The following KIAA0586 variants were observed in gnomAD, a reference collection of about 807,000 sequenced individuals.
The protein encoded by KIAA0586 is KIAA0586.
In KIAA0586, 144 loss-of-function variants were observed where a neutral mutation model predicts 169.8. The observed-to-expected ratio is 0.85, with a 90% CI of 0.74 to 0.97. The LOEUF is 0.97. Ranked by LOEUF, KIAA0586 falls within the 50% of genes least tolerant of loss-of-function variation. KIAA0586 has a pLI of 0.00. For missense variants in KIAA0586, 1,854 were observed against 1,823.0 expected (o/e 1.02, Z -0.31); for synonymous variants, 625 against 612.4 (o/e 1.02, Z -0.30).
intron 16 of KIAA0586, 136 bp downstream of exon 16, chr14:58,468,058 T>A (rs189060564): frequency 2.3e-5 from 14 of 597,816 alleles, no homozygotes; most frequent in South Asian, 2.3e-4. Flanking sequence ...TTTATTTTTA[T>A]TTTTTAGACA....
At position 58,450,729 on chromosome 14, in the gene KIAA0586, A is replaced by T; in HGVS notation, c.1112A>T (p.Glu371Val). The change falls in exon 8 of 31, where the codon GAA becomes GTA. Residue 371 changes from glutamate to valine, a missense_variant. Glu to Val is a moderately radical substitution (Grantham distance 121, BLOSUM62 -2). Coordinates refer to ENST00000652326, the MANE Select transcript of KIAA0586 (RefSeq NM_001329943.3). ...ENLLEEKENM[E>V]VSCHRGNVRL... Reference sequence around the variant, plus strand: ...CTTTTGGAAGAAAAAGAAAATATGGAAGTGTCGTGTCACAGAGGTAATAGA... The same window carrying T: ...CTTTTGGAAGAAAAAGAAAATATGGTAGTGTCGTGTCACAGAGGTAATAGA... 1 of 1,604,320 alleles carries T rather than the reference A, an allele frequency of 6.2e-7. No homozygotes were observed. Among genetic ancestry groups the T allele is most frequent in the East Asian group, 2.2e-5 (1 of 44,744 alleles).
chr14:58,465,419 CTTTA>C (rs2040675822), intron 14 of KIAA0586, among the ~76,000 whole-genome samples: 1 of 152,138 alleles, frequency 6.6e-6, no homozygotes, highest in Non-Finnish European at 1.5e-5. Context: ...TCTTCAGAAT[CTTTA>C]TTTAACATTT....
chr14:58,473,964 G>C (rs2041418982), intron 18 of KIAA0586, among the ~76,000 whole-genome samples: 1 of 151,892 alleles, frequency 6.6e-6, no homozygotes, highest in Non-Finnish European at 1.5e-5. Context: ...GGCTGTACAA[G>C]AAGCATGGTG....
intron 18 of KIAA0586, among the ~76,000 whole-genome samples, chr14:58,473,961 C>G (rs1190882787): frequency 1.3e-5 from 2 of 151,532 alleles, no homozygotes; most frequent in African/African-American, 4.9e-5. Flanking sequence ...GCAGGCTGTA[C>G]AAGAAGCATG....
intron 29 of KIAA0586, among the ~76,000 whole-genome samples, chr14:58,515,721 CTG>C (rs1325885314): frequency 6.6e-6 from 1 of 152,106 alleles, no homozygotes; most frequent in African/African-American, 2.4e-5. Flanking sequence ...TGCCAAAAAT[CTG>C]TGAATCCAAA....
At chr14:58,458,666 TTTAA>T (rs2040070893) in intron 12 of KIAA0586, 121 bp downstream of exon 12, 1 of 566,022 alleles carries the variant, frequency 1.8e-6, no homozygotes, top group Non-Finnish European at 3.1e-6. Flanking sequence ...TTATTTTTAA[TTTAA>T]TTGTCACTCT....
intron 14 of KIAA0586, among the ~76,000 whole-genome samples, chr14:58,465,288 C>T (rs2040660314): frequency 6.6e-6 from 1 of 151,944 alleles, no homozygotes; most frequent in Non-Finnish European, 1.5e-5. Context: ...GCTGGTTATT[C>T]AGAATTATGT....
the KIAA0586 span, among the ~76,000 whole-genome samples, chr14:58,561,424 G>A: frequency 3.9e-5 from 6 of 152,150 alleles, no homozygotes; most frequent in African/African-American, 1.4e-4. Context: ...TTAATTGCAT[G>A]CACTAATTTG....
chr14:58,547,696 CAA>C, intron 30 of KIAA0586, 83 bp from the exon 31 acceptor site: 9 of 1,226,440 alleles, frequency 7.3e-6, no homozygotes, highest in African/African-American at 1.5e-5. Context: ...CCCCCCACCC[CAA>C]CCTCATATTA....
At chr14:58,485,758 A>C (rs1483422980) in intron 21 of KIAA0586, among the ~76,000 whole-genome samples, 1 of 152,056 alleles carries the variant, frequency 6.6e-6, no homozygotes, top group African/African-American at 2.4e-5. Flanking sequence ...AGTACTTTCC[A>C]TCTCCCTGCT....
chr14:58,510,396 G>A (rs1370739301), intron 28 of KIAA0586, among the ~76,000 whole-genome samples: 1 of 152,094 alleles, frequency 6.6e-6, no homozygotes, highest in East Asian at 1.9e-4. Flanking sequence ...TCTCAGCAGA[G>A]TTAGTCATTA....
intron 20 of KIAA0586, among the ~76,000 whole-genome samples, chr14:58,481,232 C>G (rs2141103624): frequency 6.6e-6 from 1 of 152,298 alleles, no homozygotes; most frequent in Non-Finnish European, 1.5e-5. Flanking sequence ...AAGCAGTACT[C>G]TTTGGTGAGG....
In KIAA0586 at chr14:58,432,373, G is replaced by C. The variant is rs2037450824; in HGVS notation, c.341-15G>C. The C allele has an allele frequency of 6.9e-7, 1 of 1,450,766 alleles. No homozygotes were observed. Among genetic ancestry groups the C allele is most frequent in the African/African-American group, 1.4e-5 (1 of 69,106 alleles). 89.9% of individuals were successfully genotyped at this position (1,450,766 alleles called of 1,614,324 possible). A position where few individuals can be genotyped will look rare whatever the true frequency, so the allele number is the denominator to read the frequency against. On this transcript the variant is annotated splice_polypyrimidine_tract_variant and intron_variant, in intron 3 of 30. Coordinates refer to ENST00000652326, the MANE Select transcript of KIAA0586 (RefSeq NM_001329943.3). ...TCAGGAATTTAATATATATTTTTGT[G>C]TCTTGATTTTGCAGCAAATGACATC...
At chr14:58,505,511 G>T (rs2043876965) in intron 27 of KIAA0586, among the ~76,000 whole-genome samples, 1 of 152,166 alleles carries the variant, frequency 6.6e-6, no homozygotes, top group Non-Finnish European at 1.5e-5. Context: ...ACGAGCAAAT[G>T]TATCTTTAGT....
At chr14:58,499,573 T>A (rs2043408856) in intron 27 of KIAA0586, among the ~76,000 whole-genome samples, 1 of 151,052 alleles carries the variant, frequency 6.6e-6, no homozygotes, top group Admixed American at 6.6e-5. Flanking sequence ...ATTTTATTTT[T>A]TTGGAGACGG....
At position 58,465,695 on chromosome 14, in the gene KIAA0586, A is replaced by G. The variant is rs28678666; in HGVS notation, c.2060-140A>G. The G allele has an allele frequency of 3.6e-3, 2,004 of 552,390 alleles. 39 individuals carry two copies. The highest frequency in any genetic ancestry group is 0.034 in the African/African-American group (1,778 of 51,936). The allele number at this position is 552,390 out of a possible 1,614,324, so 34.2% of individuals were successfully genotyped here. On this transcript the variant is annotated intron_variant, in intron 14 of 30. Coordinates refer to ENST00000652326, the MANE Select transcript of KIAA0586 (RefSeq NM_001329943.3). ...TTAAGAAGTTTGCTACCTCTGGTCT[A>G]TATATTACTTCTGTTTTGGGGCCTT...
chr14:58,448,369 T>G lies in KIAA0586; in HGVS notation c.837T>G (p.Thr279=). 2 of 1,600,920 alleles carry G rather than the reference T, an allele frequency of 1.2e-6. No individual in the cohort carries two copies. Among genetic ancestry groups the G allele is most frequent in the Non-Finnish European group, 1.7e-6 (2 of 1,169,274 alleles). Residue 279 remains threonine (T), a synonymous_variant, in exon 7 of 31, where the codon ACT becomes ACG. Coordinates refer to ENST00000652326, the MANE Select transcript of KIAA0586 (RefSeq NM_001329943.3). ...ATTTTATTAGTGCTGCACTCAAGAC[T>G]AGTAGTTTTCAGCCTGTTAGTATGC... The part of the protein sequence containing the change: ...QTHFISAALK[T]SSFQPVSMPS...
chr14:58,490,864 A>ACTAT lies in KIAA0586; in HGVS notation c.3858+626_3858+629dup, dbSNP rs1217633015. Among the ~76,000 whole-genome samples the ACTAT allele has an allele frequency of 8.5e-4, 129 of 152,266 alleles. No individual in the cohort carries two copies. The Middle Eastern group carries it at 0.01, about 12-fold the overall frequency. ...AAGCAAGGAAAGGTAATTGTACTCA[A>ACTAT]CTATCATCTATGTTTATTCACATCT... On this transcript the variant is annotated intron_variant, in intron 25 of 30. Transcript: ENST00000652326.
chr14:58,451,283 T>C (rs542100687), intron 8 of KIAA0586, among the ~76,000 whole-genome samples: 7 of 152,172 alleles, frequency 4.6e-5, no homozygotes, highest in Non-Finnish European at 1.0e-4. Context: ...TGGAGTACAA[T>C]GGCGTGATCA....
Sources: allele counts gnomAD v4.1 joint callset (sites outside exome capture counted in the v4.1 genomes callset), GRCh38; gene constraint gnomAD v4.1.1; transcripts MANE v1.5; gene names NCBI Gene and HGNC (gene_info 2026-07-23, HGNC 2026-07-21).